PPP1R9A: variants seen among roughly 807,000 people sequenced by gnomAD.
PPP1R9A encodes the protein protein phosphatase 1 regulatory subunit 9A.
PPP1R9A carries 59 observed loss-of-function variants against 141.9 expected under a neutral mutation model. That is an observed-to-expected ratio of 0.42 (90% CI 0.34 to 0.52). PPP1R9A has a LOEUF of 0.52. Ranked by LOEUF, PPP1R9A falls within the 20% of genes least tolerant of loss-of-function variation. The probability of loss-of-function intolerance (pLI) is 0.10; values close to 1 mark genes in which losing one functional copy is unlikely to be tolerated. For synonymous variants in PPP1R9A, 500 were observed against 569.7 expected (o/e 0.88, Z 1.74); for missense variants, 1,444 against 1,611.9 (o/e 0.90, Z 1.78).
At chr7:95,206,754 C>G (rs1790886744) in intron 7 of PPP1R9A, among the ~76,000 whole-genome samples, 1 of 152,164 alleles carries the variant, frequency 6.6e-6, no homozygotes, top group South Asian at 2.1e-4. Flanking sequence ...GCTTCTTTCA[C>G]TCATCATAAT....
chr7:95,037,653 C>T (rs571719372), intron 2 of PPP1R9A, among the ~76,000 whole-genome samples: 2 of 152,158 alleles, frequency 1.3e-5, no homozygotes, highest in Non-Finnish European at 1.5e-5. Flanking sequence ...ATTTTCTTTC[C>T]TTAGCCCTTG....
chr7:95,027,112 T>TA (rs1265703029), intron 2 of PPP1R9A, among the ~76,000 whole-genome samples: 2 of 152,138 alleles, frequency 1.3e-5, no homozygotes, highest in African/African-American at 4.8e-5. Context: ...TTGCTGGTGT[T>TA]ACAGGTGCCA....
chr7:95,199,960 G>A (rs1221403526), intron 6 of PPP1R9A, among the ~76,000 whole-genome samples: 1 of 151,934 alleles, frequency 6.6e-6, no homozygotes, highest in Non-Finnish European at 1.5e-5. Flanking sequence ...TTGGTCTTAG[G>A]TTCAGGGGAG....
intron 2 of PPP1R9A, among the ~76,000 whole-genome samples, chr7:95,081,618 C>T (rs1429199594): frequency 6.6e-6 from 1 of 152,066 alleles, no homozygotes; most frequent in African/African-American, 2.4e-5. Flanking sequence ...GAGGAACTCC[C>T]TGAAAGGTGC....
At chr7:94,948,887 T>G (rs1265739662) in intron 2 of PPP1R9A, among the ~76,000 whole-genome samples, 1 of 152,020 alleles carries the variant, frequency 6.6e-6, no homozygotes, top group African/African-American at 2.4e-5. Context: ...TATTATTCAT[T>G]TTGTGTCAAG....
chr7:94,911,292 C>T lies in PPP1R9A; in HGVS notation c.1179C>T (p.Ser393=). ...AAGATTCAAATAATTTTGATGGTTC[C>T]CATGTGTACATGCACAGTGACTATA... ...VPEDSNNFDG[S]HVYMHSDYNV... is the part of the protein sequence containing the mutation. The change falls in exon 2 of 20, where the codon TCC becomes TCT. Residue 393 remains serine, a synonymous_variant. Coordinates refer to ENST00000433360, the MANE Select transcript of PPP1R9A (RefSeq NM_001166160.2). The T allele has an allele frequency of 6.2e-7, 1 of 1,614,026 alleles. No homozygotes were observed.
intron 2 of PPP1R9A, among the ~76,000 whole-genome samples, chr7:95,020,296 T>A (rs1805748119): frequency 6.6e-6 from 1 of 152,080 alleles, no homozygotes; most frequent in Non-Finnish European, 1.5e-5. Flanking sequence ...AATATATAGG[T>A]CAGAAATCAT....
chr7:94,908,148 G>C (rs1382521795), intron 1 of PPP1R9A: 1 of 150,702 alleles, frequency 6.6e-6, no homozygotes, highest in African/African-American at 2.4e-5. Context: ...GGGTAAGGGG[G>C]AGGCTGAGCG....
In PPP1R9A at chr7:95,134,676, G is replaced by A. The variant is rs558909517; in HGVS notation, c.1649+13844G>A. On this transcript the variant is annotated intron_variant, in intron 4 of 19. Transcript: ENST00000433360. ...TCTCAAACTCCCGACCTCAGGTGAT[G>A]TACCCACCTTGGCCCCCCAAAGTGT... is the stretch of plus-strand genomic sequence containing the variant. 1.1e-4 allele frequency among the ~76,000 whole-genome samples: 17 copies of A among 152,140 alleles called. No homozygotes were observed. In the South Asian group the frequency reaches 3.5e-3, roughly 32 times the overall value.
chr7:95,007,360 A>G (rs901910420), intron 2 of PPP1R9A, among the ~76,000 whole-genome samples: 35 of 152,170 alleles, frequency 2.3e-4, no homozygotes, highest in Admixed American at 2.2e-3. Context: ...AATAGATGCC[A>G]GTGGTACCTC....
intron 7 of PPP1R9A, among the ~76,000 whole-genome samples, chr7:95,221,069 C>G (rs181003776): frequency 1.3e-5 from 2 of 152,174 alleles, no homozygotes; most frequent in East Asian, 3.9e-4. Context: ...TAGGAACTTA[C>G]ATTTATGAGA....
chr7:94,941,233 G>A (rs574474938), intron 2 of PPP1R9A, among the ~76,000 whole-genome samples: 87 of 152,238 alleles, frequency 5.7e-4, no homozygotes, highest in African/African-American at 2.0e-3. Flanking sequence ...GGACAAACAA[G>A]GCTTAGAGTT....
chr7:95,162,988 G>C (rs1830659573), intron 5 of PPP1R9A, among the ~76,000 whole-genome samples: 1 of 152,174 alleles, frequency 6.6e-6, no homozygotes, highest in Non-Finnish European at 1.5e-5. Context: ...TTGCAAAACT[G>C]TGTGGTGCTC....
At chr7:94,917,946 G>A (rs748984692) in intron 2 of PPP1R9A, among the ~76,000 whole-genome samples, 1 of 152,140 alleles carries the variant, frequency 6.6e-6, no homozygotes, top group Admixed American at 6.5e-5. Context: ...TCTACCACTT[G>A]AAAACAAGTT....
At chr7:95,150,154 C>CAA (rs36047908) in intron 4 of PPP1R9A, among the ~76,000 whole-genome samples, 15 of 92,438 alleles carry the variant, frequency 1.6e-4, no homozygotes, top group African/African-American at 4.6e-4. Flanking sequence ...ATCCCCCTGC[C>CAA]AAAAAAAAAA....
intron 16 of PPP1R9A, among the ~76,000 whole-genome samples, chr7:95,281,492 C>T (rs1033094034): frequency 1.3e-5 from 2 of 152,292 alleles, no homozygotes; most frequent in African/African-American, 4.8e-5. Context: ...CAAGACCCTC[C>T]TCAGTGCTGG....
intron 2 of PPP1R9A, among the ~76,000 whole-genome samples, chr7:94,969,512 C>A (rs1354747345): frequency 6.6e-6 from 1 of 152,136 alleles, no homozygotes; most frequent in Non-Finnish European, 1.5e-5. Flanking sequence ...GTTCCTGCCT[C>A]TGGAAGCTTT....
At chr7:94,966,466 CTCT>C (rs1563057961) in intron 2 of PPP1R9A, among the ~76,000 whole-genome samples, 2 of 152,176 alleles carry the variant, frequency 1.3e-5, no homozygotes, top group East Asian at 1.9e-4. Context: ...TCATAAAAAA[CTCT>C]TCTTATTTTG....
chr7:95,040,619 A>G (rs566492164), intron 2 of PPP1R9A, among the ~76,000 whole-genome samples: 5 of 152,156 alleles, frequency 3.3e-5, no homozygotes, highest in Admixed American at 2.6e-4. Flanking sequence ...TCCCTTACTC[A>G]GGTTATTTTG....
Sources: allele counts gnomAD v4.1 joint callset (sites outside exome capture counted in the v4.1 genomes callset), GRCh38; gene constraint gnomAD v4.1.1; transcripts MANE v1.5; gene names NCBI Gene and HGNC (gene_info 2026-07-23, HGNC 2026-07-21).